Variants in KCTD2 observed in about 807,000 individuals in gnomAD.
KCTD2 encodes potassium channel tetramerization domain containing 2.
In KCTD2, 18 loss-of-function variants were observed where a neutral mutation model predicts 27.9. The observed-to-expected ratio is 0.64, with a 90% confidence interval of 0.45 to 0.96. The LOEUF (loss-of-function observed/expected upper bound fraction) is 0.96, where lower values mean the gene tolerates loss of function less well. KCTD2 is among the 40% of genes least tolerant of loss of function. KCTD2 has a pLI of 0.00. For synonymous variants in KCTD2, 175 were observed against 148.4 expected, an observed-to-expected ratio of 1.18 and a Z score of -1.30; for missense variants, 280 against 348.0, an observed-to-expected ratio of 0.80 and a Z score of 1.56.
chr17:75,036,196 G>A, intron 3 of KCTD2: 1 of 310,296 alleles, frequency 3.2e-6, no homozygotes, highest in Non-Finnish European at 6.6e-6. Context: ...TGAGATTACA[G>A]GCGTGAGCCA....
intron 3 of KCTD2, chr17:75,039,587 C>T: frequency 2.9e-6 from 1 of 339,036 alleles, no homozygotes; most frequent in East Asian, 5.7e-5. Flanking sequence ...ACCTGAGCAC[C>T]TAGCCAGACT....
chr17:75,050,851 G>GT (rs1300228224), intron 2 of KCTD2, among the ~76,000 whole-genome samples: 4 of 151,472 alleles, frequency 2.6e-5, no homozygotes, highest in African/African-American at 9.7e-5. Context: ...TCTTTTTGTT[G>GT]TTTTTTTAAG....
At chr17:75,045,555 A>T (rs959682901), upstream of KCTD2, among the ~76,000 whole-genome samples, 3 of 152,212 alleles carry the variant, frequency 2.0e-5, no homozygotes, top group African/African-American at 4.8e-5. Context: ...TTTCTCAGGG[A>T]TATCCCATGC....
exon 3 of KCTD2, chr17:75,035,295 T>A (rs1342119636): frequency 6.6e-6 from 1 of 152,144 alleles, no homozygotes; most frequent in Non-Finnish European, 1.5e-5. Context: ...GGGGAGCTGC[T>A]TCTGTCCAAT....
At chr17:75,035,994 A>G (rs2040111467) in intron 3 of KCTD2, 1 of 450,400 alleles carries the variant, frequency 2.2e-6, no homozygotes, top group Non-Finnish European at 4.5e-6. Flanking sequence ...AGAGGGTGTC[A>G]GGATGCATGT....
chr17:75,056,135 A>C (rs2073348027), intron 3 of KCTD2, among the ~76,000 whole-genome samples: 1 of 152,244 alleles, frequency 6.6e-6, no homozygotes. Flanking sequence ...GCAGTTTGCA[A>C]AAGTGAAGAG....
Position 75,065,614 on chromosome 17 carries a change from A to G in KCTD2, c.*2567A>G, listed in dbSNP as rs563492504. On this transcript the variant is annotated 3_prime_UTR_variant, in exon 6 of 6. Transcript: ENST00000322444. Reference sequence around the variant, plus strand: ...CAGAATCTGGCCTTTTTCCATGGCAATGAGGTGGGGCCCAGCCTCCTCTAA... The same window carrying G: ...CAGAATCTGGCCTTTTTCCATGGCAGTGAGGTGGGGCCCAGCCTCCTCTAA... 3.3e-5 allele frequency: 5 copies of G among 152,214 alleles called. No homozygotes were observed. The highest frequency in any genetic ancestry group is 7.2e-5 in the African/African-American group (3 of 41,456). 9.4% of individuals were successfully genotyped at this position (152,214 alleles called of 1,614,324 possible).
intron 4 of KCTD2, chr17:75,060,752 T>C: frequency 1.5e-6 from 1 of 659,168 alleles, no homozygotes; most frequent in Non-Finnish European, 2.5e-6. Context: ...TATGATTTTA[T>C]ACGGATTATG....
chr17:75,050,405 G>A (rs2073272347), intron 2 of KCTD2, among the ~76,000 whole-genome samples: 1 of 152,096 alleles, frequency 6.6e-6, no homozygotes. Flanking sequence ...GGGATTACAG[G>A]CGTGCACCAC....
intron 3 of KCTD2, among the ~76,000 whole-genome samples, chr17:75,037,592 CTGACTT>C (rs1366363557): frequency 6.6e-6 from 1 of 152,180 alleles, no homozygotes; most frequent in Non-Finnish European, 1.5e-5. Context: ...AACAGGTCCT[CTGACTT>C]TAAGGACAAT....
chr17:75,050,291 T>C (rs1051155484), intron 2 of KCTD2, among the ~76,000 whole-genome samples: 1 of 152,192 alleles, frequency 6.6e-6, no homozygotes, highest in South Asian at 2.1e-4. Context: ...TTTTTCTTTT[T>C]TTTTTCTTCG....
At chr17:75,043,545 G>A (rs544513066), upstream of KCTD2, among the ~76,000 whole-genome samples, 2 of 151,250 alleles carry the variant, frequency 1.3e-5, no homozygotes, top group South Asian at 2.1e-4. Flanking sequence ...CCTGGGCGGC[G>A]GAGGTTGCAG....
rs990654357 is a variant in KCTD2, at chr17:75,062,211, A to G, written c.728A>G (p.Asn243Ser). The change falls in exon 5 of 6, where the codon AAT becomes AGT. Residue 243 changes from asparagine (N) to serine (S), a missense_variant. By Grantham distance (46) the Asn-to-Ser change is conservative (BLOSUM62 1). Transcript: ENST00000322444. ...VVSRELNNST[N>S]GIVIEPSEKA... is the part of the protein sequence containing the mutation. ...TCCAGAGAACTAAATAATTCTACCA[A>G]TGGCATCGTCATAGAGCCGAGCGAA... 1 of 1,614,002 alleles carries G rather than the reference A, an allele frequency of 6.2e-7. No homozygotes were observed. The highest frequency in any genetic ancestry group is 8.5e-7 in the Non-Finnish European group (1 of 1,179,962).
At chr17:75,036,045 ATTTT>A in intron 3 of KCTD2, 1 of 438,796 alleles carries the variant, frequency 2.3e-6, no homozygotes, top group South Asian at 1.6e-5. Context: ...ATAAATGCTA[ATTTT>A]TTTTTTCTTT....
chr17:75,052,234 G>A (rs564948226), intron 2 of KCTD2, among the ~76,000 whole-genome samples: 14 of 152,338 alleles, frequency 9.2e-5, no homozygotes, highest in East Asian at 1.9e-4. Flanking sequence ...TGGGTTTACC[G>A]AAAATAGCAA....
intron 1 of KCTD2, 41 bp downstream of exon 1, chr17:75,047,630 C>T (rs529697491): frequency 5.7e-6 from 9 of 1,575,634 alleles, no homozygotes; most frequent in South Asian, 1.1e-5. Context: ...CCTTCGAACC[C>T]CCTGGTTTCT....
intron 4 of KCTD2, among the ~76,000 whole-genome samples, chr17:75,061,876 C>A (rs913105482): frequency 6.6e-6 from 1 of 151,942 alleles, no homozygotes; most frequent in Non-Finnish European, 1.5e-5. Context: ...GGGGGGACTT[C>A]AGAGCTTGGG....
At chr17:75,058,338 G>GA (rs34316730) in intron 3 of KCTD2, among the ~76,000 whole-genome samples, 22,914 of 145,516 alleles carry the variant, frequency 0.16, 2,804 homozygotes, top group East Asian at 0.61. Flanking sequence ...AAAAAAAAAG[G>GA]AAAAAAAAAT....
At chr17:75,051,373 C>G (rs1173652588) in intron 2 of KCTD2, among the ~76,000 whole-genome samples, 5 of 149,350 alleles carry the variant, frequency 3.3e-5, no homozygotes, top group African/African-American at 1.2e-4. Flanking sequence ...CGACATCCAC[C>G]TCCCGGGTTC....
Sources: gnomAD v4.1 joint callset for allele counts (sites outside exome capture counted in the v4.1 genomes callset) on GRCh38, gnomAD v4.1.1 for gene constraint, MANE v1.5 for transcripts, NCBI Gene and HGNC (gene_info 2026-07-23, HGNC 2026-07-21) for gene names.